Variants in HIPK3 observed in about 807,000 individuals in gnomAD.
The protein encoded by HIPK3 is homeodomain-interacting protein kinase 3.
In HIPK3, 47 loss-of-function variants were observed where a neutral mutation model predicts 124.2. That is an observed-to-expected ratio of 0.38 (90% CI 0.30 to 0.48). The LOEUF (loss-of-function observed/expected upper bound fraction) is 0.48, where lower values mean the gene tolerates loss of function less well. Among genes scored for constraint, HIPK3 ranks in the 20% least tolerant of loss-of-function variants. HIPK3 has a pLI of 0.98. For missense variants in HIPK3, 1,286 were observed against 1,454.3 expected, an observed-to-expected ratio of 0.88 and a Z score of 1.88; for synonymous variants, 482 against 515.2, an observed-to-expected ratio of 0.94 and a Z score of 0.87.
Position 33,337,057 on chromosome 11 carries a change from C to A in HIPK3, c.1222-18C>A, listed in dbSNP as rs1183780747. The A allele has an allele frequency of 2.5e-6, 4 of 1,575,972 alleles. No individual in the cohort carries two copies. Among genetic ancestry groups the A allele is most frequent in the Non-Finnish European group, 3.5e-6 (4 of 1,154,140 alleles). On this transcript the variant is annotated intron_variant, in intron 3 of 16. Transcript: ENST00000303296. ...ACATGAAAGAATAAACTATTCTGTT[C>A]TGTAAATTATTTTTCAGATTCGATA...
At chr11:33,280,132 A>T (rs1018355071) in intron 1 of HIPK3, among the ~76,000 whole-genome samples, 6 of 152,162 alleles carry the variant, frequency 3.9e-5, no homozygotes, top group Non-Finnish European at 7.4e-5. Flanking sequence ...AGGAGTCTTC[A>T]CTATCCTCTG....
intron 2 of HIPK3, among the ~76,000 whole-genome samples, chr11:33,311,736 A>G (rs908702388): frequency 1.1e-4 from 17 of 151,834 alleles, no homozygotes; most frequent in East Asian, 7.8e-4. Context: ...GGCCATATGC[A>G]GTGGCATATA....
chr11:33,298,025 G>T (rs1851890313), intron 2 of HIPK3, among the ~76,000 whole-genome samples: 1 of 152,036 alleles, frequency 6.6e-6, no homozygotes, highest in East Asian at 1.9e-4. Flanking sequence ...CTGACCTCAA[G>T]TGATCCTCCC....
chr11:33,294,302 TA>T (rs58545247), intron 2 of HIPK3, among the ~76,000 whole-genome samples: 152,203 of 152,292 alleles, frequency 1, 76,057 homozygotes, highest in Middle Eastern at 1. Context: ...AAAAAAGTTG[TA>T]AAAAATAGTA....
At chr11:33,299,466 C>A (rs1851932019) in intron 2 of HIPK3, among the ~76,000 whole-genome samples, 1 of 150,874 alleles carries the variant, frequency 6.6e-6, no homozygotes, top group African/African-American at 2.4e-5. Flanking sequence ...GAACGAGACT[C>A]TGTCTCAAAA....
At chr11:33,343,310 T>C (rs1853397125) in intron 8 of HIPK3, among the ~76,000 whole-genome samples, 1 of 151,314 alleles carries the variant, frequency 6.6e-6, no homozygotes, top group Non-Finnish European at 1.5e-5. Context: ...AGATAGTGTC[T>C]TGCTCTGTTG....
At chr11:33,333,387 C>G (rs77247727) in intron 3 of HIPK3, among the ~76,000 whole-genome samples, 4 of 152,122 alleles carry the variant, frequency 2.6e-5, no homozygotes. Context: ...GTTTCATGAC[C>G]ATAAAACTCC....
Position 33,338,948 on chromosome 11 carries a change from C to T in HIPK3, c.1428+105C>T, listed in dbSNP as rs1366227559. On this transcript the variant is annotated intron_variant, in intron 5 of 16. Transcript: ENST00000303296. ...TCAGTTTTTAAATGGCTACAGAGTC[C>T]ATGCTGTTTTTAAGTTTTTCAAATG... The T allele has an allele frequency of 1.4e-5, 9 of 666,350 alleles. No homozygotes were observed. In the Admixed American group the frequency reaches 1.6e-4, roughly 12 times the overall value. The allele number at this position is 666,350 out of a possible 1,614,324, so 41.3% of individuals were successfully genotyped here.
intron 14 of HIPK3, 40 bp downstream of exon 14, chr11:33,349,327 T>C: frequency 6.5e-7 from 1 of 1,534,948 alleles, no homozygotes; most frequent in Non-Finnish European, 8.9e-7. Flanking sequence ...AAATAGTAAG[T>C]CTACTAAAAA....
rs1207433329 is a variant in HIPK3 at position 33,272,612 on chromosome 11, CCTTTTTT to C, written c.-2-13796_-2-13790del. 9.2e-5 allele frequency among the ~76,000 whole-genome samples: 14 copies of C among 151,916 alleles called. No homozygotes were observed. In the South Asian group the frequency reaches 1.5e-3, roughly 16 times the overall value. ...GAGAGATCTTTCTCCTTTCCTTTTTCCTTTTTTCTTTCCTTTTTCCTTTTTTCCTTTC... is the reference window on the plus strand; with the variant it reads ...GAGAGATCTTTCTCCTTTCCTTTTTCCTTTCCTTTTTCCTTTTTTCCTTTC... On this transcript the variant is annotated intron_variant, in intron 1 of 16. Coordinates refer to ENST00000303296, the MANE Select transcript of HIPK3 (RefSeq NM_005734.5).
At chr11:33,257,281 C>T, upstream of HIPK3, 4 of 983,376 alleles carry the variant, frequency 4.1e-6, no homozygotes, top group South Asian at 9.4e-5. Flanking sequence ...AGCGGAGCCG[C>T]CCGGGCTGGG....
chr11:33,300,613 A>G (rs117277690), intron 2 of HIPK3, among the ~76,000 whole-genome samples: 1,898 of 152,318 alleles, frequency 0.012, 24 homozygotes, highest in Non-Finnish European at 0.019. Flanking sequence ...TGGGAAACCA[A>G]AAAATTTGTG....
chr11:33,353,620 A>G lies in HIPK3; in HGVS notation c.*52A>G. On this transcript the variant is annotated 3_prime_UTR_variant, in exon 17 of 17. Transcript: ENST00000303296. The stretch of plus-strand genomic sequence containing the variant: ...GATACAAACATTTGATTAAAAATAA[A>G]AACATGGTATTTAATATTAGCCATG... The G allele has an allele frequency of 8.1e-7, 1 of 1,227,722 alleles. No individual in the cohort carries two copies. The highest frequency in any genetic ancestry group is 1.2e-6 in the Non-Finnish European group (1 of 846,226). 76.1% of individuals were successfully genotyped at this position (1,227,722 alleles called of 1,614,324 possible). A position where few individuals can be genotyped will look rare whatever the true frequency, so the allele number is the denominator to read the frequency against.
chr11:33,339,636 C>T, intron 6 of HIPK3, 102 bp downstream of exon 6: 3 of 856,700 alleles, frequency 3.5e-6, no homozygotes, highest in Non-Finnish European at 5.4e-6. Flanking sequence ...ACACAAGTAA[C>T]CTGAGTCAAA....
chr11:33,338,916 A>G lies in HIPK3; in HGVS notation c.1428+73A>G, dbSNP rs1853244680. The G allele has an allele frequency of 1.9e-5, 19 of 990,316 alleles. No homozygotes were observed. The Admixed American group carries it at 3.0e-4, about 16-fold the overall frequency. The allele number at this position is 990,316 out of a possible 1,614,324, so 61.3% of individuals were successfully genotyped here. ...ACTTGAATGCCAAGGGGCCCAAAAC[A>G]TGTTACTCAGTTTTTAAATGGCTAC... On this transcript the variant is annotated intron_variant, in intron 5 of 16. Transcript: ENST00000303296.
chr11:33,297,726 T>A (rs1026579800), intron 2 of HIPK3, among the ~76,000 whole-genome samples: 2 of 151,992 alleles, frequency 1.3e-5, no homozygotes, highest in Non-Finnish European at 2.9e-5. Flanking sequence ...CATCTAGGAC[T>A]TTCATAGCTA....
chr11:33,280,637 TG>T (rs1039970953), intron 1 of HIPK3, among the ~76,000 whole-genome samples: 1 of 152,218 alleles, frequency 6.6e-6, no homozygotes, highest in African/African-American at 2.4e-5. Context: ...TGAGGGATAA[TG>T]ACACTTTGTC....
At position 33,258,211 on chromosome 11, in the gene HIPK3, C is replaced by G. The variant is rs1022606429; in HGVS notation, c.-3+322C>G. ...CCGGGGCCCGGGGGCCTCGGCCCCC[C>G]CTCCCCCTGCCAAGGTTGCGCAACG... On this transcript the variant is annotated intron_variant, in intron 1 of 16. Transcript: ENST00000303296. The G allele has an allele frequency of 1.7e-5, 12 of 719,176 alleles. No homozygotes were observed. In the East Asian group the frequency reaches 6.7e-4, roughly 40 times the overall value. The allele number at this position is 719,176 out of a possible 1,614,324, so 44.5% of individuals were successfully genotyped here.
chr11:33,349,176 G>A lies in HIPK3; in HGVS notation c.2696G>A (p.Cys899Tyr). 1 of 1,613,872 alleles carries A rather than the reference G, an allele frequency of 6.2e-7. No homozygotes were observed. The highest frequency in any genetic ancestry group is 8.5e-7 in the Non-Finnish European group (1 of 1,179,864). ...AAAGGTAGTCTAGATTGTGAAGCTT[G>A]CCAGAGCACTTTGAATATTGATCGG... ...ECKGSLDCEACQSTLNIDRMC... is the reference protein window; with the variant it reads ...ECKGSLDCEAYQSTLNIDRMC... Residue 899 changes from cysteine to tyrosine, a missense_variant, in exon 14 of 17, where the codon TGC becomes TAC. Cys to Tyr is a radical substitution (Grantham distance 194, BLOSUM62 -2). Around this residue, in one of 3 missense-constraint regions of HIPK3, gnomAD observed 810 missense variants for 864.9 expected, o/e 0.94. Coordinates refer to ENST00000303296, the MANE Select transcript of HIPK3 (RefSeq NM_005734.5).
Sources: allele counts gnomAD v4.1 joint callset (sites outside exome capture counted in the v4.1 genomes callset), GRCh38; gene constraint gnomAD v4.1.1; regional missense constraint gnomAD v4.1.1; transcripts MANE v1.5; gene names NCBI Gene and HGNC (gene_info 2026-07-23, HGNC 2026-07-21).